The following USO1 variants were observed in gnomAD, a reference collection of about 807,000 sequenced individuals.
USO1 encodes USO1 vesicle transport factor.
In USO1, 57 loss-of-function variants were observed where a neutral mutation model predicts 124.5. The observed-to-expected ratio is 0.46, with a 90% confidence interval of 0.37 to 0.57. USO1 has a LOEUF of 0.57. Ranked by LOEUF, USO1 falls within the 20% of genes least tolerant of loss-of-function variation. USO1 has a pLI of 0.00. For missense variants in USO1, 900 were observed against 1,040.6 expected (o/e 0.86, Z 1.86); for synonymous variants, 369 against 362.8 (o/e 1.02, Z -0.19).
At chr4:75,787,250 A>C in intron 10 of USO1, 48 bp downstream of exon 10, 1 of 1,392,570 alleles carries the variant, frequency 7.2e-7, no homozygotes, top group South Asian at 1.9e-5. Context: ...TGAAATCCTG[A>C]ATCCTAGGAA....
At chr4:75,756,586 A>G (rs574639488) in intron 3 of USO1, among the ~76,000 whole-genome samples, 1 of 148,602 alleles carries the variant, frequency 6.7e-6, no homozygotes, top group African/African-American at 2.5e-5. Context: ...GGCTCACTGC[A>G]ACCTCTGCCT....
chr4:75,730,331 TAACAAAGAAAAAACC>T (rs1720594333), intron 1 of USO1, among the ~76,000 whole-genome samples: 1 of 152,190 alleles, frequency 6.6e-6, no homozygotes. Context: ...CAACGACCAC[TAACAAAGAAAAAACC>T]TCTAGTATTT....
chr4:75,758,636 A>G (rs1721509007), intron 4 of USO1, among the ~76,000 whole-genome samples: 1 of 152,156 alleles, frequency 6.6e-6, no homozygotes, highest in Admixed American at 6.5e-5. Flanking sequence ...CAATCCCAGC[A>G]CTTTGGGAGG....
At chr4:75,764,501 C>T (rs921878835) in intron 4 of USO1, among the ~76,000 whole-genome samples, 11 of 152,080 alleles carry the variant, frequency 7.2e-5, no homozygotes, top group Non-Finnish European at 1.5e-4. Flanking sequence ...CCACACTATC[C>T]TTTGTTTTGA....
intron 1 of USO1, among the ~76,000 whole-genome samples, chr4:75,747,154 G>A (rs572410789): frequency 6.6e-6 from 1 of 152,266 alleles, no homozygotes; most frequent in Non-Finnish European, 1.5e-5. Context: ...AGATAGAGAA[G>A]CATGTAACTA....
At chr4:75,774,636 A>C (rs1490218181) in intron 7 of USO1, 40 bp from the exon 8 acceptor site, 8 of 1,539,992 alleles carry the variant, frequency 5.2e-6, no homozygotes, top group African/African-American at 1.4e-5. Flanking sequence ...ATGTCTCATA[A>C]ATTTTGTACT....
At chr4:75,773,347 G>A (rs558710620) in intron 7 of USO1, among the ~76,000 whole-genome samples, 3 of 119,036 alleles carry the variant, frequency 2.5e-5, no homozygotes, top group South Asian at 2.9e-4. Context: ...TATTCAAGAG[G>A]GTAAAGAGAA....
chr4:75,777,718 CA>C lies in USO1; in HGVS notation c.676+2927del, dbSNP rs541266169. ...AAATGATGGCGAAGATGTGGAACAA[CA>C]AAAACACATTTGTTGCTGATGGGAA... On this transcript the variant is annotated intron_variant, in intron 8 of 23. Coordinates refer to ENST00000514213, the MANE Select transcript of USO1 (RefSeq NM_003715.4). Among the ~76,000 whole-genome samples the C allele has an allele frequency of 9.9e-4, 151 of 152,244 alleles. 1 individual carries two copies. The highest frequency in any genetic ancestry group is 9.7e-3 in the Admixed American group (148 of 15,290).
intron 4 of USO1, chr4:75,767,452 T>G: frequency 2.2e-6 from 1 of 447,192 alleles, no homozygotes; most frequent in African/African-American, 2.0e-5. Context: ...TTTTAAAAGT[T>G]TGTAACTCTT....
At chr4:75,774,507 T>C (rs771855973) in intron 7 of USO1, among the ~76,000 whole-genome samples, 169 bp from the exon 8 acceptor site, 27 of 152,228 alleles carry the variant, frequency 1.8e-4, no homozygotes, top group Non-Finnish European at 3.8e-4. Flanking sequence ...TTTATAACCT[T>C]AGGGAGACAA....
intron 11 of USO1, 88 bp from the exon 12 acceptor site, chr4:75,790,555 T>C (rs1722498828): frequency 6.7e-7 from 1 of 1,498,488 alleles, no homozygotes; most frequent in African/African-American, 1.4e-5. Context: ...CTGGTTATGA[T>C]TCTTCAATCA....
chr4:75,743,718 G>C (rs1721032626), intron 1 of USO1, among the ~76,000 whole-genome samples: 2 of 152,260 alleles, frequency 1.3e-5, no homozygotes, highest in Admixed American at 1.3e-4. Flanking sequence ...TCATAGGCCA[G>C]TAAATACATT....
chr4:75,797,726 C>G (rs143430458), intron 13 of USO1, among the ~76,000 whole-genome samples: 2,232 of 152,136 alleles, frequency 0.015, 53 homozygotes, highest in African/African-American at 0.051. Flanking sequence ...ACTGCAACCT[C>G]TACCTCCCAG....
intron 3 of USO1, among the ~76,000 whole-genome samples, chr4:75,753,611 G>A (rs1005594127): frequency 1.6e-4 from 24 of 152,036 alleles, no homozygotes; most frequent in Middle Eastern, 3.4e-3. Flanking sequence ...CCAGCTTCTC[G>A]GGAGGCTGAG....
At chr4:75,810,889 C>T (rs1206029076) in intron 22 of USO1, among the ~76,000 whole-genome samples, 2 of 152,026 alleles carry the variant, frequency 1.3e-5, no homozygotes, top group Non-Finnish European at 2.9e-5. Context: ...CACCACCACA[C>T]CCAGCTAATT....
chr4:75,813,318 A>G lies in USO1; in HGVS notation c.*23A>G, dbSNP rs753765569. On this transcript the variant is annotated 3_prime_UTR_variant, in exon 24 of 24. Coordinates refer to ENST00000514213, the MANE Select transcript of USO1 (RefSeq NM_003715.4). ...TAGTTTTCAAATCTCTAGGAACAAT[A>G]GAGATTATATCATAACTCTGAAGAT... 6.4e-7 allele frequency: 1 copy of G among 1,568,902 alleles called. No homozygotes were observed. Among genetic ancestry groups the G allele is most frequent in the Non-Finnish European group, 8.6e-7 (1 of 1,163,954 alleles).
intron 8 of USO1, among the ~76,000 whole-genome samples, chr4:75,781,903 G>A (rs962525540): frequency 3.9e-5 from 6 of 152,180 alleles, no homozygotes; most frequent in Non-Finnish European, 7.3e-5. Context: ...GAGGCTATTG[G>A]TTAATCTATT....
In USO1 at chr4:75,744,023, G is replaced by A. The variant is rs545165825; in HGVS notation, c.67-8350G>A. Among the ~76,000 whole-genome samples the A allele has an allele frequency of 4.3e-4, 65 of 152,226 alleles. No individual in the cohort carries two copies. The Middle Eastern group carries it at 0.01, about 24-fold the overall frequency. On this transcript the variant is annotated intron_variant, in intron 1 of 23. Transcript: ENST00000514213. Reference sequence around the variant, plus strand: ...GATCTCCTGACCTCATGATCCGCCCGCCATGGCCTCCCAAAGTGCTGGGAT... The same window carrying A: ...GATCTCCTGACCTCATGATCCGCCCACCATGGCCTCCCAAAGTGCTGGGAT...
rs55928639 is a variant in USO1 at position 75,734,718 on chromosome 4, C to CTTTTTTTTTTTTTTTTTT, written c.66+9844_66+9861dup. On this transcript the variant is annotated intron_variant, in intron 1 of 23. Coordinates refer to ENST00000514213, the MANE Select transcript of USO1 (RefSeq NM_003715.4). ...CTGTAGATTGCTTTGGGCAGTATGG[C>CTTTTTTTTTTTTTTTTTT]TTTTTTTTTTTTTTTTTTTTTTTTT... is the stretch of plus-strand genomic sequence containing the variant. Among the ~76,000 whole-genome samples, 6 of 47,464 alleles carry CTTTTTTTTTTTTTTTTTT rather than the reference C, an allele frequency of 1.3e-4. 1 individual carries two copies. Among genetic ancestry groups the CTTTTTTTTTTTTTTTTTT allele is most frequent in the Non-Finnish European group, 2.1e-4 (6 of 28,020 alleles). 31.1% of individuals were successfully genotyped at this position (47,464 alleles called of 152,430 possible). A position where few individuals can be genotyped will look rare whatever the true frequency, so the allele number is the denominator to read the frequency against.
Sources: allele counts gnomAD v4.1 joint callset (sites outside exome capture counted in the v4.1 genomes callset), GRCh38; gene constraint gnomAD v4.1.1; transcripts MANE v1.5; gene names NCBI Gene and HGNC (gene_info 2026-07-23, HGNC 2026-07-21).